The following CCDC148 variants were observed in gnomAD, a reference collection of about 807,000 sequenced individuals.
The protein encoded by CCDC148 is coiled-coil domain containing 148.
In CCDC148, 89 loss-of-function variants were observed where a neutral mutation model predicts 85.7. The observed-to-expected ratio is 1.04, with a 90% confidence interval of 0.87 to 1.24. The LOEUF is 1.24. Ranked by LOEUF, CCDC148 falls within the 50% of genes most tolerant of loss-of-function variation. The pLI, the probability that CCDC148 is intolerant of heterozygous loss-of-function variation, is 0.00. For synonymous variants in CCDC148, 230 were observed against 213.9 expected (o/e 1.08, Z -0.66); for missense variants, 692 against 671.7 (o/e 1.03, Z -0.33).
Position 158,338,851 on chromosome 2 carries a change from T to C in CCDC148, c.639A>G (p.Glu213=). The change falls in exon 7 of 14, where the codon GAA becomes GAG. Residue 213 remains glutamate (E), a synonymous_variant. Coordinates refer to ENST00000283233, the MANE Select transcript of CCDC148 (RefSeq NM_138803.4). ...KTNPLSELPI[E]LESLECPYPD... Reference sequence around the variant, plus strand: ...GGTATGGGCATTCCAAACTTTCTAATTCAATGGGCAGTTCACTAAGCGGGT... The same window carrying C: ...GGTATGGGCATTCCAAACTTTCTAACTCAATGGGCAGTTCACTAAGCGGGT... 1 of 1,612,724 alleles carries C rather than the reference T, an allele frequency of 6.2e-7. No individual in the cohort carries two copies. Among genetic ancestry groups the C allele is most frequent in the Admixed American group, 1.7e-5 (1 of 59,620 alleles).
intron 11 of CCDC148, among the ~76,000 whole-genome samples, chr2:158,209,551 A>T (rs555846312): frequency 1.3e-5 from 2 of 152,268 alleles, no homozygotes; most frequent in East Asian, 3.9e-4. Flanking sequence ...ATAGGTGTAA[A>T]GGTTGCCAGA....
At chr2:158,226,526 C>A (rs1220278490) in intron 10 of CCDC148, among the ~76,000 whole-genome samples, 4 of 152,154 alleles carry the variant, frequency 2.6e-5, no homozygotes, top group African/African-American at 9.7e-5. Context: ...AGACCAATAT[C>A]CCTGATGAAC....
chr2:158,282,899 C>T (rs901122231), intron 9 of CCDC148, among the ~76,000 whole-genome samples: 1 of 152,148 alleles, frequency 6.6e-6, no homozygotes, highest in Non-Finnish European at 1.5e-5. Context: ...CTACAGTAAC[C>T]AAAACAGCAT....
intron 1 of CCDC148, among the ~76,000 whole-genome samples, chr2:158,408,876 G>A (rs1686137902): frequency 1.3e-5 from 2 of 151,982 alleles, no homozygotes; most frequent in East Asian, 1.9e-4. Context: ...TCTAACTGGT[G>A]TGAGGTAATA....
intron 7 of CCDC148, among the ~76,000 whole-genome samples, chr2:158,337,998 C>A (rs1682475029): frequency 6.6e-6 from 1 of 152,060 alleles, no homozygotes; most frequent in Non-Finnish European, 1.5e-5. Context: ...AATATACATT[C>A]TTTCGGGGAA....
At chr2:158,331,467 G>C (rs1693114031) in intron 7 of CCDC148, among the ~76,000 whole-genome samples, 1 of 152,186 alleles carries the variant, frequency 6.6e-6, no homozygotes, top group Non-Finnish European at 1.5e-5. Flanking sequence ...GTGGTGCTGA[G>C]AAGAATGTAT....
intron 10 of CCDC148, among the ~76,000 whole-genome samples, chr2:158,224,220 C>T (rs1687363652): frequency 6.6e-6 from 1 of 152,056 alleles, no homozygotes; most frequent in African/African-American, 2.4e-5. Context: ...ACCAGTGATG[C>T]AAGATCAAAT....
At chr2:158,412,155 C>G (rs547902877) in intron 1 of CCDC148, among the ~76,000 whole-genome samples, 2 of 152,166 alleles carry the variant, frequency 1.3e-5, no homozygotes, top group Non-Finnish European at 2.9e-5. Flanking sequence ...TCCACTACAT[C>G]AGGAAGTTTC....
intron 1 of CCDC148, among the ~76,000 whole-genome samples, chr2:158,392,669 A>G (rs1685364121): frequency 6.6e-6 from 1 of 152,140 alleles, no homozygotes; most frequent in Non-Finnish European, 1.5e-5. Context: ...TATACTATAT[A>G]AATTATTTGT....
chr2:158,424,940 G>A, intron 1 of CCDC148: 1 of 309,206 alleles, frequency 3.2e-6, no homozygotes, highest in South Asian at 3.2e-5. Context: ...TATCAAATTG[G>A]TTCTGGGAAG....
chr2:158,215,215 C>A (rs1377864157), intron 11 of CCDC148, among the ~76,000 whole-genome samples: 1 of 152,112 alleles, frequency 6.6e-6, no homozygotes, highest in Non-Finnish European at 1.5e-5. Flanking sequence ...AGTTGGCTAT[C>A]AATTTAGAAC....
At chr2:158,221,706 G>C (rs1687192446) in intron 10 of CCDC148, among the ~76,000 whole-genome samples, 3 of 152,156 alleles carry the variant, frequency 2.0e-5, no homozygotes, top group Admixed American at 2.0e-4. Flanking sequence ...ATCAAAAGAA[G>C]CATCCCAAGC....
intron 1 of CCDC148, among the ~76,000 whole-genome samples, chr2:158,449,166 T>C (rs1300007468): frequency 6.6e-6 from 1 of 152,184 alleles, no homozygotes; most frequent in African/African-American, 2.4e-5. Context: ...TCCTAGTTCC[T>C]AGCATATAAA....
chr2:158,344,101 G>T (rs1682874743), intron 3 of CCDC148, among the ~76,000 whole-genome samples: 1 of 151,908 alleles, frequency 6.6e-6, no homozygotes, highest in South Asian at 2.1e-4. Flanking sequence ...ATTTGAATCA[G>T]TGAACACCAC....
At chr2:158,434,118 G>T (rs896476660) in intron 1 of CCDC148, among the ~76,000 whole-genome samples, 1 of 152,192 alleles carries the variant, frequency 6.6e-6, no homozygotes, top group Non-Finnish European at 1.5e-5. Flanking sequence ...TATGAAGAGA[G>T]TAGTGGTTCT....
chr2:158,454,784 T>C (rs528376460), intron 1 of CCDC148, among the ~76,000 whole-genome samples: 160 of 152,376 alleles, frequency 1.1e-3, no homozygotes, highest in Non-Finnish European at 1.8e-3. Flanking sequence ...TGTCTAGCAA[T>C]GCTTAGTAGC....
At chr2:158,353,857 C>T (rs1393184725) in intron 2 of CCDC148, among the ~76,000 whole-genome samples, 7 of 152,104 alleles carry the variant, frequency 4.6e-5, no homozygotes, top group Non-Finnish European at 1.5e-5. Flanking sequence ...TGTAAAAGAA[C>T]AGAAATTATA....
At chr2:158,406,846 C>G (rs1686047625) in intron 1 of CCDC148, among the ~76,000 whole-genome samples, 1 of 151,998 alleles carries the variant, frequency 6.6e-6, no homozygotes, top group South Asian at 2.1e-4. Flanking sequence ...TGGTCTTCAA[C>G]TCCTGAACTC....
intron 7 of CCDC148, among the ~76,000 whole-genome samples, chr2:158,333,570 C>T (rs1288822353): frequency 6.6e-6 from 1 of 152,008 alleles, no homozygotes; most frequent in African/African-American, 2.4e-5. Flanking sequence ...CCTGGATATC[C>T]TTGTTAACTT....
Sources: allele counts gnomAD v4.1 joint callset (sites outside exome capture counted in the v4.1 genomes callset), GRCh38; gene constraint gnomAD v4.1.1; transcripts MANE v1.5; gene names NCBI Gene and HGNC (gene_info 2026-07-23, HGNC 2026-07-21).